Variants in MTUS2 observed in about 807,000 individuals in gnomAD.
MTUS2 encodes the protein microtubule-associated tumor suppressor candidate 2.
MTUS2 carries 40 observed loss-of-function variants against 114.1 expected under a neutral mutation model. The ratio of observed to expected loss-of-function variants is 0.35; its 90% CI spans 0.27 to 0.46. MTUS2 has a LOEUF of 0.46. Ranked by LOEUF, MTUS2 falls within the 20% of genes least tolerant of loss-of-function variation. The pLI, the probability that MTUS2 is intolerant of heterozygous loss-of-function variation, is 1.00. For synonymous variants in MTUS2, 688 were observed against 672.0 expected, an observed-to-expected ratio of 1.02 and a Z score of -0.37; for missense variants, 1,679 against 1,705.4, an observed-to-expected ratio of 0.98 and a Z score of 0.27.
chr13:28,860,624 C>T (rs1343797318), intron 2 of MTUS2, among the ~76,000 whole-genome samples: 2 of 152,164 alleles, frequency 1.3e-5, no homozygotes, highest in African/African-American at 4.8e-5. Flanking sequence ...CGAGGCTTAT[C>T]CCTGGATGTT....
chr13:29,225,376 A>G (rs554644494), intron 5 of MTUS2, among the ~76,000 whole-genome samples: 4 of 152,360 alleles, frequency 2.6e-5, no homozygotes, highest in African/African-American at 9.6e-5. Flanking sequence ...TCTGATTTAA[A>G]AAAATAATTT....
intron 4 of MTUS2, among the ~76,000 whole-genome samples, chr13:29,039,539 A>G (rs1053434050): frequency 1.8e-4 from 28 of 152,336 alleles, no homozygotes; most frequent in Non-Finnish European, 1.9e-4. Context: ...TATCCTTCCC[A>G]CTGATGGTCC....
At position 29,047,707 on chromosome 13, in the gene MTUS2, A is replaced by G. The variant is rs552792556; in HGVS notation, c.2446+13582A>G. Among the ~76,000 whole-genome samples the G allele has an allele frequency of 1.1e-3, 174 of 151,976 alleles. 1 individual carries two copies. Among genetic ancestry groups the G allele is most frequent in the African/African-American group, 3.7e-3 (153 of 41,448 alleles). On this transcript the variant is annotated intron_variant, in intron 4 of 15. Transcript: ENST00000612955. ...TTTTTGTGTTTTTAGTAGAGACGGGATTTCACTGTGTTAGCCAGGATGGTC... is the reference window on the plus strand; with the variant it reads ...TTTTTGTGTTTTTAGTAGAGACGGGGTTTCACTGTGTTAGCCAGGATGGTC...
chr13:29,460,735 C>A (rs564986321), intron 9 of MTUS2, among the ~76,000 whole-genome samples: 2 of 152,290 alleles, frequency 1.3e-5, no homozygotes, highest in East Asian at 3.9e-4. Flanking sequence ...TGCAGACACA[C>A]AAGGCCCAGG....
In MTUS2 at chr13:29,504,131, C is replaced by T; in HGVS notation, c.*925C>T. 4.3e-6 allele frequency: 1 copy of T among 232,146 alleles called. No homozygotes were observed. Among genetic ancestry groups the T allele is most frequent in the Non-Finnish European group, 8.5e-6 (1 of 117,362 alleles). The allele number at this position is 232,146 out of a possible 1,614,324, so 14.4% of individuals were successfully genotyped here. A position where few individuals can be genotyped will look rare whatever the true frequency, so the allele number is the denominator to read the frequency against. ...GACCTTTGAGTAAGAGTGAGGATGA[C>T]CTTGCAGATGACTGTGCCCATTCGC... On this transcript the variant is annotated 3_prime_UTR_variant, in exon 16 of 16. Coordinates refer to ENST00000612955, the MANE Select transcript of MTUS2 (RefSeq NM_001033602.4).
At chr13:29,014,093 C>G (rs1885966197) in intron 2 of MTUS2, among the ~76,000 whole-genome samples, 1 of 152,204 alleles carries the variant, frequency 6.6e-6, no homozygotes, top group South Asian at 2.1e-4. Context: ...AGGTCCATCT[C>G]AGAGCCGTTG....
chr13:29,396,667 T>C (rs1474528990), intron 8 of MTUS2, among the ~76,000 whole-genome samples: 1 of 152,238 alleles, frequency 6.6e-6, no homozygotes, highest in Non-Finnish European at 1.5e-5. Context: ...ACTCCTATTA[T>C]GTAACTGCAT....
At position 29,391,654 on chromosome 13, in the gene MTUS2, T is replaced by C. The variant is rs866146309; in HGVS notation, c.3117+32181T>C. On this transcript the variant is annotated intron_variant, in intron 8 of 15. Transcript: ENST00000612955. ...TGCTTTTTTAAAATGTTTTTTTTTT[T>C]CAGTTTTAATTGTGGCAAAATATAA... Among the ~76,000 whole-genome samples, 786 of 147,528 alleles carry C rather than the reference T, an allele frequency of 5.3e-3. 4 individuals are homozygous for C. Among genetic ancestry groups the C allele is most frequent in the Non-Finnish European group, 6.2e-3 (409 of 66,382 alleles).
intron 8 of MTUS2, among the ~76,000 whole-genome samples, chr13:29,369,486 G>A (rs1871031531): frequency 6.6e-6 from 1 of 152,188 alleles, no homozygotes; most frequent in African/African-American, 2.4e-5. Flanking sequence ...AACGAGGTTT[G>A]AAATTAAGAA....
Position 28,995,647 on chromosome 13 carries a change from A to T in MTUS2, c.-242-28810A>T, listed in dbSNP as rs1262294280. Among the ~76,000 whole-genome samples the T allele has an allele frequency of 3.5e-4, 54 of 152,140 alleles. 1 individual carries two copies. Among genetic ancestry groups the T allele is most frequent in the African/African-American group, 1.2e-3 (49 of 41,466 alleles). On this transcript the variant is annotated intron_variant, in intron 2 of 15. Coordinates refer to ENST00000612955, the MANE Select transcript of MTUS2 (RefSeq NM_001033602.4). ...TGTAAGTTGGATTCCTAGGTATTTT[A>T]TTCTCTTTGAAGCAATTGTGAATGG... is the stretch of plus-strand genomic sequence containing the variant.
At chr13:29,008,636 G>A (rs1330703759) in intron 2 of MTUS2, among the ~76,000 whole-genome samples, 2 of 152,198 alleles carry the variant, frequency 1.3e-5, no homozygotes, top group Non-Finnish European at 2.9e-5. Flanking sequence ...AAGATATAGA[G>A]TTCTAGGTGG....
At chr13:29,078,362 T>G (rs1889291562) in intron 4 of MTUS2, among the ~76,000 whole-genome samples, 1 of 152,196 alleles carries the variant, frequency 6.6e-6, no homozygotes, top group African/African-American at 2.4e-5. Flanking sequence ...GACCAAGTTT[T>G]CTATCTGACA....
intron 5 of MTUS2, among the ~76,000 whole-genome samples, chr13:29,107,409 T>TTTTGAGAGTAACTTAGGTATC (rs1890714161): frequency 1.3e-5 from 2 of 152,172 alleles, no homozygotes; most frequent in Non-Finnish European, 2.9e-5. Context: ...GGAAAAAGAT[T>TTTTGAGAGTAACTTAGGTATC]TTTGAGAGTA....
In MTUS2 at chr13:28,908,644, T is replaced by C. The variant is rs1215801719; in HGVS notation, c.-243+68794T>C. On this transcript the variant is annotated intron_variant, in intron 2 of 15. Transcript: ENST00000612955. ...TATAGCAGTGTGATTTATAATCCTT[T>C]GGGTATATACCCAGTAATGGGATGG... Among the ~76,000 whole-genome samples the C allele has an allele frequency of 2.0e-5, 3 of 151,714 alleles. 1 individual carries two copies. Among genetic ancestry groups the C allele is most frequent in the African/African-American group, 7.3e-5 (3 of 41,168 alleles).
chr13:29,042,363 T>G (rs1363544519), intron 4 of MTUS2, among the ~76,000 whole-genome samples: 1 of 152,186 alleles, frequency 6.6e-6, no homozygotes, highest in Non-Finnish European at 1.5e-5. Context: ...TTTGATTCCA[T>G]TAGCTAGTAT....
At chr13:29,003,228 A>AC (rs150434633) in intron 2 of MTUS2, among the ~76,000 whole-genome samples, 2,695 of 152,310 alleles carry the variant, frequency 0.018, 83 homozygotes, top group African/African-American at 0.061. Flanking sequence ...GCATAAATTA[A>AC]TGATTTAGTT....
At chr13:29,205,833 A>T (rs919720283) in intron 5 of MTUS2, among the ~76,000 whole-genome samples, 5 of 152,150 alleles carry the variant, frequency 3.3e-5, no homozygotes, top group African/African-American at 1.2e-4. Flanking sequence ...GGATGATTCC[A>T]TATTTTTGCA....
intron 6 of MTUS2, among the ~76,000 whole-genome samples, chr13:29,301,897 A>C (rs560330199): frequency 2.0e-5 from 3 of 152,198 alleles, no homozygotes; most frequent in African/African-American, 4.8e-5. Context: ...TTCCTCATAG[A>C]TGGTGCCTTC....
chr13:29,493,698 A>G (rs899359553), intron 12 of MTUS2, among the ~76,000 whole-genome samples: 9 of 152,204 alleles, frequency 5.9e-5, no homozygotes, highest in African/African-American at 1.2e-4. Flanking sequence ...CCGTTGGCCA[A>G]TGAACCCCAG....
Sources: gnomAD v4.1 joint callset for allele counts (sites outside exome capture counted in the v4.1 genomes callset) on GRCh38, gnomAD v4.1.1 for gene constraint, MANE v1.5 for transcripts, NCBI Gene and HGNC (gene_info 2026-07-23, HGNC 2026-07-21) for gene names.